SPATC1: variants seen among roughly 807,000 people sequenced by gnomAD.
The protein encoded by SPATC1 is speriolin.
Under a neutral mutation model 36.5 loss-of-function variants are expected in SPATC1, and 35 were observed. The ratio of observed to expected loss-of-function variants is 0.96; its 90% CI spans 0.73 to 1.27. The LOEUF (loss-of-function observed/expected upper bound fraction) is 1.27, where lower values mean the gene tolerates loss of function less well. Among genes scored for constraint, SPATC1 ranks in the 50% most tolerant of loss-of-function variants. SPATC1 has a pLI of 0.00. For missense variants in SPATC1, 779 were observed against 796.0 expected (o/e 0.98, Z 0.26); for synonymous variants, 361 against 353.6 (o/e 1.02, Z -0.24).
intron 4 of SPATC1, 34 bp downstream of exon 4, chr8:144,041,405 C>T (rs781670610): frequency 6.3e-7 from 1 of 1,597,424 alleles, no homozygotes; most frequent in Non-Finnish European, 8.5e-7. Flanking sequence ...GGACAGGGGG[C>T]AGGTTGGCCC....
Position 144,040,761 on chromosome 8 carries a change from ATC to A in SPATC1, c.962_963del (p.Ser321CysfsTer49). 2 of 1,608,604 alleles carry A rather than the reference ATC, an allele frequency of 1.2e-6. No homozygotes were observed. On this transcript the variant is annotated frameshift_variant, in exon 3 of 5. Transcript: ENST00000377470. LOFTEE classifies it high-confidence loss of function. ...CCGCCCAGGAACAAGTGGTCCCTGCATCTGTCCCCACCTCCCCCACCACCTCC... is the reference window on the plus strand; with the variant it reads ...CCGCCCAGGAACAAGTGGTCCCTGCATGTCCCCACCTCCCCCACCACCTCC... ...SAAQEQVVPA[S>X]VPTSPTTSPT... is the part of the protein sequence containing the mutation.
At chr8:144,031,937 C>T (rs1484991304) in intron 1 of SPATC1, among the ~76,000 whole-genome samples, 2 of 152,134 alleles carry the variant, frequency 1.3e-5, no homozygotes, top group Non-Finnish European at 2.9e-5. Flanking sequence ...CCAGACTGGT[C>T]TTGAACTCCT....
chr8:144,035,690 C>T (rs986595882), intron 1 of SPATC1, among the ~76,000 whole-genome samples: 2 of 152,244 alleles, frequency 1.3e-5, no homozygotes, highest in African/African-American at 2.4e-5. Flanking sequence ...CCGGCTGGCC[C>T]CTCCACAGCG....
intron 1 of SPATC1, among the ~76,000 whole-genome samples, chr8:144,031,217 C>G (rs1834785587): frequency 6.6e-6 from 1 of 152,118 alleles, no homozygotes; most frequent in East Asian, 1.9e-4. Flanking sequence ...GGCAATAAAT[C>G]CCCTCAGCTT....
At chr8:144,044,467 A>G (rs1418916728) in intron 4 of SPATC1, among the ~76,000 whole-genome samples, 4 of 142,086 alleles carry the variant, frequency 2.8e-5, no homozygotes, top group African/African-American at 1.2e-4. Context: ...ACGCCCAGCT[A>G]ATTTTTTTTT....
intron 1 of SPATC1, among the ~76,000 whole-genome samples, chr8:144,018,838 C>T (rs1834443811): frequency 6.8e-6 from 1 of 146,402 alleles, no homozygotes; most frequent in African/African-American, 2.6e-5. Context: ...TTGAGACCAT[C>T]CTGGCCAACA....
chr8:144,040,322 G>A lies in SPATC1; in HGVS notation c.625G>A (p.Val209Ile). Residue 209 changes from valine to isoleucine, a missense_variant, in exon 2 of 5, where the codon GTC becomes ATC. Physicochemically the swap from Val to Ile is conservative, Grantham distance 29. Transcript: ENST00000377470. ...CAGCTCCACTGCCACCCCACCAGGG[G>A]TCTCTCAGAACCTGCTGGCCAACCC... is the stretch of plus-strand genomic sequence containing the variant. ...LLSSTATPPG[V>I]SQNLLANPMS... 3 of 1,612,780 alleles carry A rather than the reference G, an allele frequency of 1.9e-6. No homozygotes were observed. The highest frequency in any genetic ancestry group is 1.1e-5 in the South Asian group (1 of 91,086).
Position 144,046,614 on chromosome 8 carries a change from G to A in SPATC1, c.1447-13G>A, listed in dbSNP as rs376834806. The A allele has an allele frequency of 1.9e-5, 30 of 1,598,358 alleles. No homozygotes were observed. Among genetic ancestry groups the A allele is most frequent in the East Asian group, 1.3e-4 (6 of 44,754 alleles). On this transcript the variant is annotated splice_polypyrimidine_tract_variant and intron_variant, in intron 4 of 4. Coordinates refer to ENST00000377470, the MANE Select transcript of SPATC1 (RefSeq NM_198572.3). This position sits in a 1 kb window ranked among gnomAD's most constrained non-coding sequence, Gnocchi z 6.6. ...TGGCAAGGGAGGGTCCCTGATGGCC[G>A]CTGTCCCCACAGGCTTCCCTGAACC...
rs782370472 is a variant in SPATC1, at chr8:144,041,324, C to A, written c.1399C>A (p.Arg467=). 6.2e-7 allele frequency: 1 copy of A among 1,612,550 alleles called. No homozygotes were observed. Among genetic ancestry groups the A allele is most frequent in the East Asian group, 2.2e-5 (1 of 44,894 alleles). The stretch of plus-strand genomic sequence containing the variant: ...GTCCAGCATCTTCCCAGAGCGCGTA[C>A]GGCTCTACGGCTTCACTGTCTCCAA... The part of the protein sequence containing the change: ...ILSSIFPERV[R]LYGFTVSNIP... Residue 467 remains arginine (R), a synonymous_variant, in exon 4 of 5, where the codon CGG becomes AGG. Coordinates refer to ENST00000377470, the MANE Select transcript of SPATC1 (RefSeq NM_198572.3).
chr8:144,039,482 T>G (rs1835002627), intron 1 of SPATC1, among the ~76,000 whole-genome samples: 1 of 152,094 alleles, frequency 6.6e-6, no homozygotes, highest in African/African-American at 2.4e-5. Flanking sequence ...CCCTCTTCTC[T>G]CCACCGAAGA....
intron 1 of SPATC1, among the ~76,000 whole-genome samples, chr8:144,035,176 C>T (rs1168051721): frequency 6.6e-6 from 1 of 152,228 alleles, no homozygotes; most frequent in East Asian, 1.9e-4. Context: ...CTCACAGGCC[C>T]TCCTCCCCAG....
Position 144,040,771 on chromosome 8 carries a change from A to ACC in SPATC1, c.971_972dup (p.Ser325ProfsTer92). On this transcript the variant is annotated frameshift_variant, in exon 3 of 5. Coordinates refer to ENST00000377470, the MANE Select transcript of SPATC1 (RefSeq NM_198572.3). LOFTEE classifies it high-confidence loss of function. ...ACAAGTGGTCCCTGCATCTGTCCCC[A>ACC]CCTCCCCCACCACCTCCCCCACGGT... 7.2e-7 allele frequency: 1 copy of ACC among 1,393,724 alleles called. No individual in the cohort carries two copies. Among genetic ancestry groups the ACC allele is most frequent in the Non-Finnish European group, 9.5e-7 (1 of 1,056,462 alleles). The allele number at this position is 1,393,724 out of a possible 1,614,324, so 86.3% of individuals were successfully genotyped here.
At chr8:144,032,358 A>C (rs931867394) in intron 1 of SPATC1, among the ~76,000 whole-genome samples, 18 of 152,014 alleles carry the variant, frequency 1.2e-4, no homozygotes, top group Non-Finnish European at 2.1e-4. Context: ...GCTCACTGCA[A>C]TCTCCGCCTT....
At position 144,016,310 on chromosome 8, in the gene SPATC1, G is replaced by A. The variant is rs1587486529; in HGVS notation, c.211+3584G>A. Among the ~76,000 whole-genome samples, 2 of 152,080 alleles carry A rather than the reference G, an allele frequency of 1.3e-5. No individual in the cohort carries two copies. Among genetic ancestry groups the A allele is most frequent in the South Asian group, 2.1e-4 (1 of 4,830 alleles). On this transcript the variant is annotated intron_variant, in intron 1 of 4. Transcript: ENST00000377470. This position sits in a 1 kb window ranked among gnomAD's most constrained non-coding sequence, Gnocchi z 4.5. ...GATATGGTGTATCTGCTTTGACGGT[G>A]TGTGATTTGTGAGTGAATGTGTGCA... is the stretch of plus-strand genomic sequence containing the variant.
At chr8:144,021,500 T>C (rs1168709122) in intron 1 of SPATC1, among the ~76,000 whole-genome samples, 1 of 30,494 alleles carries the variant, frequency 3.3e-5, no homozygotes, top group Non-Finnish European at 7.7e-5. Context: ...AGGACCTCCT[T>C]CCCTCAGATC....
chr8:144,013,510 C>T (rs1834321183), intron 1 of SPATC1, among the ~76,000 whole-genome samples: 1 of 152,168 alleles, frequency 6.6e-6, no homozygotes. Flanking sequence ...TAATTCCCTG[C>T]CCCCTACCCA....
chr8:144,035,538 G>A (rs1385307909), intron 1 of SPATC1, among the ~76,000 whole-genome samples: 3 of 152,234 alleles, frequency 2.0e-5, no homozygotes, highest in Non-Finnish European at 2.9e-5. Context: ...TAGACTTTCT[G>A]TGAATTGCTC....
At chr8:144,038,620 G>A (rs572076033) in intron 1 of SPATC1, among the ~76,000 whole-genome samples, 1 of 151,780 alleles carries the variant, frequency 6.6e-6, no homozygotes, top group Non-Finnish European at 1.5e-5. Flanking sequence ...GACTACAGGT[G>A]TGTGCCACCA....
At chr8:144,033,491 T>C (rs1834838967) in intron 1 of SPATC1, among the ~76,000 whole-genome samples, 2 of 152,230 alleles carry the variant, frequency 1.3e-5, no homozygotes, top group Non-Finnish European at 2.9e-5. Flanking sequence ...CCCTGGTTAT[T>C]GTAAGATTTT....
Sources: gnomAD v4.1 joint callset for allele counts (sites outside exome capture counted in the v4.1 genomes callset) on GRCh38, gnomAD v4.1.1 for gene constraint, Gnocchi (gnomAD v3.1) non-coding constraint, MANE v1.5 for transcripts, NCBI Gene and HGNC (gene_info 2026-07-23, HGNC 2026-07-21) for gene names.